Variants in NRDC observed in about 807,000 individuals in gnomAD.
The protein encoded by NRDC is nardilysin convertase.
A neutral mutation model predicts 147.1 loss-of-function variants in NRDC; 54 were observed. The ratio of observed to expected loss-of-function variants is 0.37; its 90% CI spans 0.29 to 0.46. The LOEUF is 0.46. Among genes scored for constraint, NRDC ranks in the 20% least tolerant of loss-of-function variants. The pLI is 1.00. For missense variants in NRDC, 1,082 were observed against 1,370.6 expected (o/e 0.79, Z 3.33); for synonymous variants, 440 against 482.1 (o/e 0.91, Z 1.14).
At position 51,798,634 on chromosome 1, in the gene NRDC, T is replaced by G. The variant is rs1293691013; in HGVS notation, c.2442-223A>C. 9.4e-6 allele frequency: 4 copies of G among 425,550 alleles called. No homozygotes were observed. The East Asian group carries it at 1.5e-4, about 16-fold the overall frequency. The allele number at this position is 425,550 out of a possible 1,614,324, so 26.4% of individuals were successfully genotyped here. On this transcript the variant is annotated intron_variant, in intron 21 of 30. Coordinates refer to ENST00000352171, the MANE Select transcript of NRDC (RefSeq NM_001101662.2). ...TTTACTTAGCAGTACAAAAATGCACTTACCTGTCTCAGTTGCAGGGTAAAA... is the reference window on the plus strand; with the variant it reads ...TTTACTTAGCAGTACAAAAATGCACGTACCTGTCTCAGTTGCAGGGTAAAA...
intron 11 of NRDC, among the ~76,000 whole-genome samples, chr1:51,815,674 A>G (rs1462426987): frequency 1.3e-5 from 2 of 150,906 alleles, no homozygotes; most frequent in Non-Finnish European, 2.9e-5. Flanking sequence ...CTAGTACACG[A>G]AAGTGTCTTA....
intron 19 of NRDC, 31 bp downstream of exon 19, chr1:51,805,479 G>T (rs1679420600): frequency 6.7e-7 from 1 of 1,496,908 alleles, no homozygotes; most frequent in Non-Finnish European, 9.1e-7. Flanking sequence ...ACTAAAAAAT[G>T]TATTTTCCAG....
chr1:51,823,632 A>G, intron 7 of NRDC, 32 bp downstream of exon 7: 1 of 1,570,302 alleles, frequency 6.4e-7, no homozygotes, highest in Non-Finnish European at 8.7e-7. Flanking sequence ...CGCTACTTCA[A>G]GGTAACTCTA....
At chr1:51,840,575 T>A in intron 1 of NRDC, 61 bp from the exon 2 acceptor site, 1 of 1,103,474 alleles carries the variant, frequency 9.1e-7, no homozygotes, top group Non-Finnish European at 1.3e-6. Context: ...CCAATACAAG[T>A]AATCAGCTTA....
In NRDC at chr1:51,803,979, A is replaced by T. The variant is rs770248718; in HGVS notation, c.2163-15T>A. The T allele has an allele frequency of 6.4e-7, 1 of 1,553,306 alleles. No individual in the cohort carries two copies. The highest frequency in any genetic ancestry group is 2.0e-5 in the Admixed American group (1 of 50,380). Reference sequence around the variant, plus strand: ...AGAGGACCACACTAAGAAGTACAAAATGCAAATGGCATCTTTAATTGGTAA... The same window carrying T: ...AGAGGACCACACTAAGAAGTACAAATTGCAAATGGCATCTTTAATTGGTAA... On this transcript the variant is annotated splice_polypyrimidine_tract_variant and intron_variant, in intron 19 of 30. Coordinates refer to ENST00000352171, the MANE Select transcript of NRDC (RefSeq NM_001101662.2).
Position 51,794,531 on chromosome 1 carries a change from A to T in NRDC, c.2716T>A (p.Cys906Ser), listed in dbSNP as rs1678797046. ...VVELPSGHHL[C>S]KVKALNKGDA... ...CCCTTGTTCAGAGCTTTCACTTTGC[A>T]TAGATGGTGGCCACTGGGCAGCTCT... The change falls in exon 24 of 31, where the codon TGC becomes AGC. Residue 906 changes from cysteine (C) to serine (S), a missense_variant. This residue lies in a region of NRDC where 635 missense variants were observed against 923.8 expected (regional missense o/e 0.69). Coordinates refer to ENST00000352171, the MANE Select transcript of NRDC (RefSeq NM_001101662.2). The T allele has an allele frequency of 1.2e-6, 2 of 1,614,050 alleles. No homozygotes were observed.
chr1:51,844,476 C>T (rs2149226780), intron 1 of NRDC, among the ~76,000 whole-genome samples: 2 of 151,880 alleles, frequency 1.3e-5, no homozygotes, highest in Admixed American at 1.3e-4. Context: ...CAACCGCAAG[C>T]CAGAAAGGCC....
intron 20 of NRDC, 57 bp downstream of exon 20, chr1:51,803,757 T>C: frequency 1.4e-6 from 2 of 1,418,472 alleles, no homozygotes; most frequent in Non-Finnish European, 1.9e-6. Context: ...CACAAACCTC[T>C]AAATAAATAT....
intron 20 of NRDC, among the ~76,000 whole-genome samples, chr1:51,803,215 C>CTGAT (rs1436728342): frequency 1.3e-5 from 2 of 152,306 alleles, no homozygotes; most frequent in African/African-American, 4.8e-5. Context: ...TGGCTCACGC[C>CTGAT]TATAATCCCA....
At chr1:51,844,622 A>G (rs906495361) in intron 1 of NRDC, among the ~76,000 whole-genome samples, 3 of 151,666 alleles carry the variant, frequency 2.0e-5, no homozygotes, top group African/African-American at 4.8e-5. Flanking sequence ...GCGTGCCTGT[A>G]GTCTGTCTCA....
At chr1:51,791,528 C>T (rs1031121335) in intron 27 of NRDC, 50 bp downstream of exon 27, 2 of 1,430,816 alleles carry the variant, frequency 1.4e-6, no homozygotes, top group Non-Finnish European at 2.0e-6. Flanking sequence ...GTAGCCCCTA[C>T]TCTCCATGTC....
At position 51,840,520 on chromosome 1, in the gene NRDC, G is replaced by T. The variant is rs202196079; in HGVS notation, c.342-6C>A. 1.9e-6 allele frequency: 3 copies of T among 1,565,338 alleles called. No individual in the cohort carries two copies. The Admixed American group carries it at 6.0e-5, about 31-fold the overall frequency. On this transcript the variant is annotated splice_region_variant and splice_polypyrimidine_tract_variant and intron_variant, in intron 1 of 30. Transcript: ENST00000352171. ...CATTCTGTAATTTGATGTATCTGGGGGGAGAAAAAAAAAATCACACATTTT... is the reference window on the plus strand; with the variant it reads ...CATTCTGTAATTTGATGTATCTGGGTGGAGAAAAAAAAAATCACACATTTT...
intron 1 of NRDC, among the ~76,000 whole-genome samples, chr1:51,865,009 T>C (rs1682735882): frequency 1.3e-5 from 2 of 151,008 alleles, no homozygotes; most frequent in Non-Finnish European, 3.0e-5. Flanking sequence ...ATTTTTAGAA[T>C]AAGATACAAA....
rs1482376485 is a variant in NRDC at position 51,825,289 on chromosome 1, CA to C, written c.1033del (p.Trp345GlyfsTer22). 13 of 1,587,758 alleles carry C rather than the reference CA, an allele frequency of 8.2e-6. No homozygotes were observed. Among genetic ancestry groups the C allele is most frequent in the Admixed American group, 5.4e-5 (3 of 55,788 alleles). On this transcript the variant is annotated frameshift_variant, in exon 6 of 31. Transcript: ENST00000352171. LOFTEE classifies it high-confidence loss of function. ...RPGHPMGKFF[W>X]GNAETLKHEP... The stretch of plus-strand genomic sequence containing the variant: ...AGATGATGTATTTAGTATCTTACCC[CA>C]AAAAAATTTTCCCATAGGATGTCCA...
intron 1 of NRDC, among the ~76,000 whole-genome samples, chr1:51,847,881 G>T (rs549048326): frequency 6.6e-6 from 1 of 152,270 alleles, no homozygotes; most frequent in African/African-American, 2.4e-5. Flanking sequence ...CCGAGGAGGC[G>T]CCAAGAGCAA....
At chr1:51,846,921 TC>T (rs1041386392) in intron 1 of NRDC, among the ~76,000 whole-genome samples, 9 of 152,154 alleles carry the variant, frequency 5.9e-5, no homozygotes, top group Non-Finnish European at 1.2e-4. Context: ...GTTCTCCACC[TC>T]CCCACTAGAT....
Position 51,836,131 on chromosome 1 carries a change from T to G in NRDC, c.712A>C (p.Met238Leu). 1 of 1,613,690 alleles carries G rather than the reference T, an allele frequency of 6.2e-7. No individual in the cohort carries two copies. Among genetic ancestry groups the G allele is most frequent in the Non-Finnish European group, 8.5e-7 (1 of 1,179,602 alleles). ...GGAATGATATTTTACAAATTCTTAC[T>G]GTGCTCCAAAAAGTGTGCCAGCCCC... is the stretch of plus-strand genomic sequence containing the variant. ...LPGLAHFLEH[M>L]VFMGSLKYPD... The change falls in exon 3 of 31, where the codon ATG becomes CTG. Residue 238 changes from methionine to leucine, a missense_variant and splice_region_variant. Transcript: ENST00000352171.
chr1:51,850,167 A>G (rs1681875906), intron 1 of NRDC, among the ~76,000 whole-genome samples: 1 of 151,902 alleles, frequency 6.6e-6, no homozygotes, highest in Non-Finnish European at 1.5e-5. Flanking sequence ...ACAGAGCGAG[A>G]CTCTATCTCA....
rs529300287 is a variant in NRDC at position 51,809,131 on chromosome 1, C to T, written c.1990+184G>A. Reference sequence around the variant, plus strand: ...ACCAACTGAATAGTCTTGTACCAGTCACTTTGCTTTTTTGACCCCCAGTTT... The same window carrying T: ...ACCAACTGAATAGTCTTGTACCAGTTACTTTGCTTTTTTGACCCCCAGTTT... On this transcript the variant is annotated intron_variant, in intron 17 of 30. Coordinates refer to ENST00000352171, the MANE Select transcript of NRDC (RefSeq NM_001101662.2). Among the ~76,000 whole-genome samples, 3 of 152,298 alleles carry T rather than the reference C, an allele frequency of 2.0e-5. No individual in the cohort carries two copies. The East Asian group carries it at 5.8e-4, about 29-fold the overall frequency.
Sources: allele counts gnomAD v4.1 joint callset (sites outside exome capture counted in the v4.1 genomes callset), GRCh38; gene constraint gnomAD v4.1.1; regional missense constraint gnomAD v4.1.1; transcripts MANE v1.5; gene names NCBI Gene and HGNC (gene_info 2026-07-23, HGNC 2026-07-21).